Variants in C12orf42 observed in about 807,000 individuals in gnomAD.
C12orf42 encodes the protein chromosome 12 open reading frame 42.
In C12orf42, 25 loss-of-function variants were observed where a neutral mutation model predicts 21.6. The ratio of observed to expected loss-of-function variants is 1.16; its 90% confidence interval spans 0.84 to 1.62. The LOEUF (loss-of-function observed/expected upper bound fraction) is 1.62. Ranked by LOEUF, C12orf42 falls within the 40% of genes most tolerant of loss-of-function variation. The probability of loss-of-function intolerance (pLI) is 0.00; values close to 1 mark genes in which losing one functional copy is unlikely to be tolerated. For missense variants in C12orf42, 483 were observed against 459.3 expected, an observed-to-expected ratio of 1.05 and a Z score of -0.47; for synonymous variants, 174 against 175.0, an observed-to-expected ratio of 0.99 and a Z score of 0.05.
intron 4 of C12orf42, among the ~76,000 whole-genome samples, chr12:103,363,781 A>G (rs2044333080): frequency 6.6e-6 from 1 of 152,172 alleles, no homozygotes; most frequent in South Asian, 2.1e-4. Context: ...GGTCTTATCC[A>G]ACAGGAAAAT....
the C12orf42 span, among the ~76,000 whole-genome samples, chr12:103,507,374 A>G: frequency 7.3e-6 from 1 of 137,822 alleles, no homozygotes; most frequent in Admixed American, 8.4e-5. Context: ...AGGGGGGCAT[A>G]AAAGTGGAAA....
chr12:103,403,245 G>A (rs1009607561), intron 2 of C12orf42, among the ~76,000 whole-genome samples: 4 of 152,016 alleles, frequency 2.6e-5, no homozygotes, highest in African/African-American at 4.8e-5. Context: ...GAGTGGTGGC[G>A]GGCGCCTGTA....
chr12:103,175,180 T>C, the C12orf42 span, among the ~76,000 whole-genome samples: 1 of 152,188 alleles, frequency 6.6e-6, no homozygotes, highest in Non-Finnish European at 1.5e-5. Flanking sequence ...AAGAGAAATA[T>C]GTCCTATGGC....
the C12orf42 span, among the ~76,000 whole-genome samples, chr12:103,543,317 T>C: frequency 3.3e-5 from 5 of 152,090 alleles, no homozygotes; most frequent in Non-Finnish European, 7.4e-5. Context: ...CAGTGCAAAA[T>C]TCTTAGGCCG....
At chr12:103,458,192 A>G (rs1376456555) in intron 2 of C12orf42, among the ~76,000 whole-genome samples, 4 of 152,186 alleles carry the variant, frequency 2.6e-5, no homozygotes, top group Admixed American at 1.3e-4. Context: ...GTCTGTATAG[A>G]ATCTGCACTT....
At chr12:103,077,133 G>T in the C12orf42 span, among the ~76,000 whole-genome samples, 1 of 152,152 alleles carries the variant, frequency 6.6e-6, no homozygotes, top group East Asian at 1.9e-4. Context: ...TTAATATGAA[G>T]AAATGGATTT....
At chr12:103,205,208 A>G in the C12orf42 span, among the ~76,000 whole-genome samples, 1 of 152,338 alleles carries the variant, frequency 6.6e-6, no homozygotes, top group South Asian at 2.1e-4. Flanking sequence ...GTTATCTTGG[A>G]AAGTTGAAAG....
At chr12:103,230,090 T>C in the C12orf42 span, among the ~76,000 whole-genome samples, 2 of 152,244 alleles carry the variant, frequency 1.3e-5, no homozygotes, top group African/African-American at 4.8e-5. Context: ...ATTAATTACA[T>C]TGAATTTAAA....
chr12:103,154,788 A>G, the C12orf42 span, among the ~76,000 whole-genome samples: 1 of 152,218 alleles, frequency 6.6e-6, no homozygotes, highest in Non-Finnish European at 1.5e-5. Context: ...AGAAAAAAAC[A>G]AAGAGAAAAA....
chr12:103,392,126 T>G (rs755382834), intron 3 of C12orf42, among the ~76,000 whole-genome samples: 2 of 152,226 alleles, frequency 1.3e-5, no homozygotes, highest in Non-Finnish European at 2.9e-5. Context: ...TGAAAATCAG[T>G]TGACCATACA....
chr12:103,402,382 G>A (rs897546094), intron 2 of C12orf42, among the ~76,000 whole-genome samples: 1 of 152,136 alleles, frequency 6.6e-6, no homozygotes, highest in Admixed American at 6.5e-5. Context: ...GATAATATCA[G>A]GATTTGTTTT....
At chr12:103,434,534 G>C (rs1001888938) in intron 2 of C12orf42, among the ~76,000 whole-genome samples, 3 of 152,104 alleles carry the variant, frequency 2.0e-5, no homozygotes, top group Admixed American at 6.5e-5. Flanking sequence ...GTGCAGGTCA[G>C]TGGGTGCGCG....
At chr12:103,215,373 G>T in the C12orf42 span, among the ~76,000 whole-genome samples, 5 of 151,696 alleles carry the variant, frequency 3.3e-5, no homozygotes, top group Non-Finnish European at 5.9e-5. Context: ...AATGACACTG[G>T]TGCTAATAAA....
At chr12:103,105,802 G>T in the C12orf42 span, among the ~76,000 whole-genome samples, 1 of 152,098 alleles carries the variant, frequency 6.6e-6, no homozygotes, top group Non-Finnish European at 1.5e-5. Flanking sequence ...ATAATGACCT[G>T]GAGCTAAATA....
At chr12:103,202,914 T>C in the C12orf42 span, among the ~76,000 whole-genome samples, 1 of 152,186 alleles carries the variant, frequency 6.6e-6, no homozygotes, top group Non-Finnish European at 1.5e-5. Flanking sequence ...GGTATTTCGA[T>C]TTGTCATCTA....
chr12:103,056,179 T>C, the C12orf42 span, among the ~76,000 whole-genome samples: 2,886 of 152,218 alleles, frequency 0.019, 99 homozygotes, highest in African/African-American at 0.066. Flanking sequence ...TTTTTCCTTT[T>C]ACTTTTATCA....
chr12:103,108,979 T>C, the C12orf42 span, among the ~76,000 whole-genome samples: 1 of 152,198 alleles, frequency 6.6e-6, no homozygotes, highest in Admixed American at 6.5e-5. Context: ...GAGATACATA[T>C]GTCCTTGTAG....
At chr12:103,434,911 G>GGCCT in intron 2 of C12orf42, among the ~76,000 whole-genome samples, 1 of 152,238 alleles carries the variant, frequency 6.6e-6, no homozygotes, top group Admixed American at 6.5e-5. Context: ...AGCTCAAGGA[G>GGCCT]GCCTGCCTGC....
the C12orf42 span, among the ~76,000 whole-genome samples, chr12:103,521,116 G>A: frequency 5.9e-5 from 9 of 152,154 alleles, no homozygotes; most frequent in Non-Finnish European, 8.8e-5. Context: ...AGCAGCTAAC[G>A]CAACGTATGG....
Sources: allele counts gnomAD v4.1 joint callset (sites outside exome capture counted in the v4.1 genomes callset), GRCh38; gene constraint gnomAD v4.1.1; transcripts MANE v1.5; gene names NCBI Gene and HGNC (gene_info 2026-07-23, HGNC 2026-07-21).